Variants in CACNA1A observed in about 807,000 individuals in gnomAD.
CACNA1A encodes the protein voltage-dependent P/Q-type calcium channel subunit alpha-1A.
A neutral mutation model predicts 262.4 loss-of-function variants in CACNA1A; 57 were observed. The ratio of observed to expected loss-of-function variants is 0.22; its 90% CI spans 0.18 to 0.27. The LOEUF is 0.27. Among genes scored for constraint, CACNA1A ranks in the 10% least tolerant of loss-of-function variants. The pLI is 1.00. For synonymous variants in CACNA1A, 1,431 were observed against 1,419.3 expected (o/e 1.01, Z -0.18); for missense variants, 2,526 against 3,562.8 (o/e 0.71, Z 7.41).
Position 13,209,482 on chromosome 19 carries a change from C to T in CACNA1A, c.6356G>A (p.Ser2119Asn). 1.5e-6 allele frequency: 2 copies of T among 1,330,880 alleles called. No homozygotes were observed. The highest frequency in any genetic ancestry group is 1.5e-5 in the African/African-American group (1 of 66,336). 82.4% of individuals were successfully genotyped at this position (1,330,880 alleles called of 1,614,324 possible). A position where few individuals can be genotyped will look rare whatever the true frequency, so the allele number is the denominator to read the frequency against. ...CACGGAGGCTGAACGCTTCATGGGG[C>T]TGGTGTCTGAGATGGTCTGGGGGAG... is the stretch of plus-strand genomic sequence containing the variant. ...GNNLSTISDTSPMKRSASVLG... is the reference protein window; with the variant it reads ...GNNLSTISDTNPMKRSASVLG... Residue 2119 changes from serine (S) to asparagine (N), a missense_variant, in exon 45 of 47, where the codon AGC (serine) becomes AAC (asparagine). Around this residue, in one of 17 missense-constraint regions of CACNA1A, gnomAD observed 929 missense variants for 868.1 expected, o/e 1.07. Coordinates refer to ENST00000360228, the MANE Select transcript of CACNA1A (RefSeq NM_001127222.2).
chr19:13,253,952 T>G (rs938008024), intron 29 of CACNA1A, among the ~76,000 whole-genome samples: 3 of 150,854 alleles, frequency 2.0e-5, no homozygotes, highest in African/African-American at 7.3e-5. Context: ...GTTGGCCAGT[T>G]GGTCCCGAAC....
At chr19:13,426,872 TC>T (rs1442597725) in intron 3 of CACNA1A, among the ~76,000 whole-genome samples, 1 of 152,194 alleles carries the variant, frequency 6.6e-6, no homozygotes, top group African/African-American at 2.4e-5. Flanking sequence ...TGGTGTCCTC[TC>T]TCTGCCTGAG....
chr19:13,384,658 C>A (rs1241401472), intron 3 of CACNA1A, among the ~76,000 whole-genome samples: 1 of 152,194 alleles, frequency 6.6e-6, no homozygotes, highest in Non-Finnish European at 1.5e-5. Flanking sequence ...TGAGATCGCA[C>A]CACTGCACTC....
At position 13,367,523 on chromosome 19, in the gene CACNA1A, C is replaced by T. The variant is rs184529632; in HGVS notation, c.632-2054G>A. Reference sequence around the variant, plus strand: ...CGGGCAGATCACGAGGTCAGGAGATCGAGACCATCCTGGCTAATATGGTGA... The same window carrying T: ...CGGGCAGATCACGAGGTCAGGAGATTGAGACCATCCTGGCTAATATGGTGA... On this transcript the variant is annotated intron_variant, in intron 4 of 46. Transcript: ENST00000360228. Among the ~76,000 whole-genome samples the T allele has an allele frequency of 2.9e-3, 441 of 151,700 alleles. 5 individuals carry two copies. The highest frequency in any genetic ancestry group is 9.4e-3 in the East Asian group (48 of 5,114).
At chr19:13,461,340 AAAAACAAAACAAAAC>A (rs59561044) in intron 1 of CACNA1A, among the ~76,000 whole-genome samples, 56 of 148,190 alleles carry the variant, frequency 3.8e-4, no homozygotes, top group East Asian at 1.2e-3. Flanking sequence ...ACTCCGTCTC[AAAAACAAAACAAAAC>A]AAAACAAAAC....
chr19:13,275,938 C>T lies in CACNA1A; in HGVS notation c.3901G>A (p.Val1301Ile), dbSNP rs779292782. 6.8e-6 allele frequency: 11 copies of T among 1,613,288 alleles called. No individual in the cohort carries two copies. Among genetic ancestry groups the T allele is most frequent in the East Asian group, 2.2e-5 (1 of 44,874 alleles). ...MVIKMIDLGL[V>I]LHQGAYFRDL... ...CGGAAGTAGGCACCCTGATGCAGGA[C>T]GAGCCCCAGGTCAATCATCTGTGGG... is the stretch of plus-strand genomic sequence containing the variant. The change falls in exon 24 of 47, where the codon GTC (valine) becomes ATC (isoleucine). Residue 1301 changes from valine to isoleucine, a missense_variant. By Grantham distance (29) the Val-to-Ile change is conservative. This residue lies in a region of CACNA1A where 137 missense variants were observed against 377.7 expected (regional missense o/e 0.36). Transcript: ENST00000360228.
chr19:13,289,181 G>A (rs1325330675), intron 19 of CACNA1A, among the ~76,000 whole-genome samples: 3 of 138,998 alleles, frequency 2.2e-5, no homozygotes, highest in East Asian at 2.1e-4. Flanking sequence ...TCACTCTGTC[G>A]CCCAGGTTGT....
In CACNA1A at chr19:13,452,667, C is replaced by A. The variant is rs555895473; in HGVS notation, c.539+209G>T. On this transcript the variant is annotated intron_variant, in intron 3 of 46. Transcript: ENST00000360228. ...TCTGGAAGCAGCCAACAATAATGAG[C>A]TATTATTTTAATTGTAACAGAAAGC... 175 of 476,852 alleles carry A rather than the reference C, an allele frequency of 3.7e-4. No homozygotes were observed. The South Asian group carries it at 7.2e-3, about 20-fold the overall frequency. 29.5% of individuals were successfully genotyped at this position (476,852 alleles called of 1,614,324 possible).
chr19:13,292,002 A>G (rs2057550051), intron 19 of CACNA1A, among the ~76,000 whole-genome samples: 1 of 152,152 alleles, frequency 6.6e-6, no homozygotes, highest in East Asian at 1.9e-4. Flanking sequence ...AGAGATAAGA[A>G]TTCTAGAGTG....
intron 3 of CACNA1A, among the ~76,000 whole-genome samples, chr19:13,441,395 G>T (rs2060716913): frequency 6.6e-6 from 1 of 152,112 alleles, no homozygotes; most frequent in African/African-American, 2.4e-5. Flanking sequence ...GGCCAGGCAT[G>T]GTGGCTCACA....
rs183382681 is a variant in CACNA1A, at chr19:13,446,904, T to C, written c.539+5972A>G. The stretch of plus-strand genomic sequence containing the variant: ...TGCACCCAGCTCATGCAGAATGTTT[T>C]ACTTTCCCCTCCCTGTTCCTAGCTT... On this transcript the variant is annotated intron_variant, in intron 3 of 46. Coordinates refer to ENST00000360228, the MANE Select transcript of CACNA1A (RefSeq NM_001127222.2). Among the ~76,000 whole-genome samples, 84 of 152,216 alleles carry C rather than the reference T, an allele frequency of 5.5e-4. No individual in the cohort carries two copies. In the East Asian group the frequency reaches 0.015, roughly 28 times the overall value.
At chr19:13,322,655 G>A (rs1311237294) in intron 10 of CACNA1A, among the ~76,000 whole-genome samples, 1 of 151,872 alleles carries the variant, frequency 6.6e-6, no homozygotes, top group Non-Finnish European at 1.5e-5. Flanking sequence ...GAGTGCAGTG[G>A]CATGACGTCT....
intron 37 of CACNA1A, chr19:13,225,097 G>A (rs1258973616): frequency 2.9e-5 from 7 of 244,580 alleles, no homozygotes; most frequent in Admixed American, 5.1e-5. Context: ...GGATGGCCCC[G>A]TTTCAGTCTG....
At chr19:13,377,325 G>A (rs544486412) in intron 3 of CACNA1A, among the ~76,000 whole-genome samples, 29 of 151,886 alleles carry the variant, frequency 1.9e-4, no homozygotes, top group African/African-American at 6.8e-4. Flanking sequence ...GACCTCTAAT[G>A]GGCATGTACA....
At chr19:13,410,147 G>A (rs1482294811) in intron 3 of CACNA1A, among the ~76,000 whole-genome samples, 1 of 151,870 alleles carries the variant, frequency 6.6e-6, no homozygotes, top group Non-Finnish European at 1.5e-5. Context: ...ATGTCCTCCT[G>A]ACACTCTTCT....
chr19:13,428,219 C>A (rs767702178), intron 3 of CACNA1A, among the ~76,000 whole-genome samples: 3 of 152,186 alleles, frequency 2.0e-5, no homozygotes, highest in Non-Finnish European at 4.4e-5. Context: ...TGAGCCACTG[C>A]GCAGGGCAAG....
At chr19:13,438,033 G>A (rs762729490) in intron 3 of CACNA1A, among the ~76,000 whole-genome samples, 1 of 152,200 alleles carries the variant, frequency 6.6e-6, no homozygotes, top group Non-Finnish European at 1.5e-5. Context: ...ATCTGAGGAG[G>A]CTGTGTAATC....
At chr19:13,350,633 A>T (rs1742) in intron 6 of CACNA1A, among the ~76,000 whole-genome samples, 15,269 of 152,164 alleles carry the variant, frequency 0.1, 1,186 homozygotes, top group East Asian at 0.41. Flanking sequence ...CCCAAGACTT[A>T]TCCAACCCAT....
chr19:13,329,043 C>T (rs2058420663), intron 10 of CACNA1A, among the ~76,000 whole-genome samples: 1 of 152,074 alleles, frequency 6.6e-6, no homozygotes, highest in South Asian at 2.1e-4. Flanking sequence ...TGCCTGGATG[C>T]TCTTCCTTCC....
Sources: allele counts gnomAD v4.1 joint callset (sites outside exome capture counted in the v4.1 genomes callset), GRCh38; gene constraint gnomAD v4.1.1; regional missense constraint gnomAD v4.1.1; transcripts MANE v1.5; gene names NCBI Gene and HGNC (gene_info 2026-07-23, HGNC 2026-07-21).